NALF1: variants seen among roughly 807,000 people sequenced by gnomAD.
The protein encoded by NALF1 is family with sequence similarity 155 member A.
NALF1 carries 3 observed loss-of-function variants against 48.4 expected under a neutral mutation model. The ratio of observed to expected loss-of-function variants is 0.06; its 90% CI spans 0.03 to 0.16. NALF1 has a LOEUF of 0.16. Ranked by LOEUF, NALF1 falls within the 10% of genes least tolerant of loss-of-function variation. NALF1 has a pLI of 1.00. For missense variants in NALF1, 526 were observed against 571.5 expected, an observed-to-expected ratio of 0.92 and a Z score of 0.81; for synonymous variants, 262 against 245.7, an observed-to-expected ratio of 1.07 and a Z score of -0.62.
In NALF1 at chr13:107,472,624, G is replaced by A. The variant is rs555476173; in HGVS notation, c.916-261869C>T. 2.1e-4 allele frequency among the ~76,000 whole-genome samples: 32 copies of A among 152,198 alleles called. No homozygotes were observed. The South Asian group carries it at 2.3e-3, about 11-fold the overall frequency. ...GTGTTCTGGCCTCCATCTTTCTCCCGTGCTGGATGCTTCCTGCCCTTGAAC... is the reference window on the plus strand; with the variant it reads ...GTGTTCTGGCCTCCATCTTTCTCCCATGCTGGATGCTTCCTGCCCTTGAAC... On this transcript the variant is annotated intron_variant, in intron 1 of 2. Coordinates refer to ENST00000375915, the MANE Select transcript of NALF1 (RefSeq NM_001080396.3).
chr13:107,717,369 C>T (rs914021208), intron 1 of NALF1, among the ~76,000 whole-genome samples: 1 of 152,202 alleles, frequency 6.6e-6, no homozygotes, highest in Non-Finnish European at 1.5e-5. Flanking sequence ...AGTCCCAGCA[C>T]ATACCCACAG....
chr13:107,789,095 C>A (rs12428509), intron 1 of NALF1: 17,433 of 152,106 alleles, frequency 0.11, 1,503 homozygotes, highest in Admixed American at 0.25. Flanking sequence ...TGGAGTGGAT[C>A]ACAGGCTTAT....
intron 1 of NALF1, among the ~76,000 whole-genome samples, chr13:107,761,576 T>C (rs576562656): frequency 6.6e-6 from 1 of 152,304 alleles, no homozygotes; most frequent in South Asian, 2.1e-4. Flanking sequence ...CCTGTCAGAT[T>C]AGGTGCTAAT....
chr13:107,168,659 A>C lies in NALF1; in HGVS notation c.*1838T>G, dbSNP rs1878719530. 6.6e-6 allele frequency: 1 copy of C among 152,642 alleles called. No homozygotes were observed. Among genetic ancestry groups the C allele is most frequent in the African/African-American group, 2.4e-5 (1 of 41,462 alleles). 9.5% of individuals were successfully genotyped at this position (152,642 alleles called of 1,614,324 possible). A position where few individuals can be genotyped will look rare whatever the true frequency, so the allele number is the denominator to read the frequency against. On this transcript the variant is annotated 3_prime_UTR_variant, in exon 3 of 3. Coordinates refer to ENST00000375915, the MANE Select transcript of NALF1 (RefSeq NM_001080396.3). ...GCATGTACTGCTAAACAATTCTAGC[A>C]ATTTTATTAAGCAATACCTTTATTA...
chr13:107,194,182 A>T (rs1028045924), intron 2 of NALF1, among the ~76,000 whole-genome samples: 1 of 152,160 alleles, frequency 6.6e-6, no homozygotes, highest in Non-Finnish European at 1.5e-5. Flanking sequence ...TGCCACTTGC[A>T]AGAGTCCTGA....
intron 1 of NALF1, among the ~76,000 whole-genome samples, chr13:107,233,628 G>GT (rs1182263042): frequency 2.6e-5 from 4 of 152,156 alleles, no homozygotes; most frequent in African/African-American, 9.7e-5. Flanking sequence ...AAAAATATAT[G>GT]TAAGTGATTT....
At chr13:107,323,656 A>C (rs1431739571) in intron 1 of NALF1, among the ~76,000 whole-genome samples, 1 of 152,188 alleles carries the variant, frequency 6.6e-6, no homozygotes, top group Non-Finnish European at 1.5e-5. Flanking sequence ...AGCCCAGAGC[A>C]GACTCTAGTA....
chr13:107,609,339 C>G (rs546977068), intron 1 of NALF1, among the ~76,000 whole-genome samples: 1 of 152,296 alleles, frequency 6.6e-6, no homozygotes, highest in South Asian at 2.1e-4. Flanking sequence ...CCAGCTACCA[C>G]CCTAGCTTCA....
intron 1 of NALF1, among the ~76,000 whole-genome samples, chr13:107,434,095 T>A (rs1379187031): frequency 2.0e-5 from 3 of 152,208 alleles, no homozygotes; most frequent in African/African-American, 2.4e-5. Context: ...ATGAAGTAAA[T>A]TGACTAAGGG....
At chr13:107,320,133 A>G (rs1882225693) in intron 1 of NALF1, among the ~76,000 whole-genome samples, 1 of 152,100 alleles carries the variant, frequency 6.6e-6, no homozygotes. Context: ...TGCTAATTGT[A>G]TGACATATAT....
chr13:107,835,953 A>C (rs973625081), intron 1 of NALF1, among the ~76,000 whole-genome samples: 2 of 152,138 alleles, frequency 1.3e-5, no homozygotes. Context: ...GCAGAAGCAG[A>C]AGCAGCACAG....
intron 2 of NALF1, among the ~76,000 whole-genome samples, chr13:107,175,699 AG>A (rs1474607679): frequency 1.7e-4 from 26 of 152,320 alleles, no homozygotes; most frequent in African/African-American, 5.5e-4. Context: ...TGCCTTATAT[AG>A]AGTCAGTAGG....
chr13:107,287,552 A>C (rs1881520330), intron 1 of NALF1, among the ~76,000 whole-genome samples: 1 of 152,206 alleles, frequency 6.6e-6, no homozygotes, highest in Non-Finnish European at 1.5e-5. Flanking sequence ...GCATTTCTGA[A>C]GACAGGTTTA....
chr13:107,648,522 T>G (rs2138465484), intron 1 of NALF1, among the ~76,000 whole-genome samples: 1 of 152,312 alleles, frequency 6.6e-6, no homozygotes, highest in East Asian at 1.9e-4. Flanking sequence ...AACTCATTTC[T>G]TTTGAGCCCT....
intron 1 of NALF1, among the ~76,000 whole-genome samples, chr13:107,313,836 C>T (rs1007046493): frequency 6.6e-6 from 1 of 152,082 alleles, no homozygotes; most frequent in African/African-American, 2.4e-5. Context: ...TCAAGCTGTC[C>T]GCCTTTCCAG....
At chr13:107,661,959 C>A (rs1194900940) in intron 1 of NALF1, among the ~76,000 whole-genome samples, 3 of 151,994 alleles carry the variant, frequency 2.0e-5, no homozygotes, top group Non-Finnish European at 2.9e-5. Flanking sequence ...TGGCTAAAAT[C>A]TTTTAAAAAA....
At position 107,867,285 on chromosome 13, in the gene NALF1, C is replaced by A. The variant is rs1880769429; in HGVS notation, c.-689G>T. Among the ~76,000 whole-genome samples, 1 of 100,538 alleles carries A rather than the reference C, an allele frequency of 9.9e-6. No individual in the cohort carries two copies. Among genetic ancestry groups the A allele is most frequent in the South Asian group, 4.1e-4 (1 of 2,466 alleles). The allele number at this position is 100,538 out of a possible 152,430, so 66.0% of individuals were successfully genotyped here. ...GGGGCGCTCCCTCCCCCCCACCCCCCACCCCGCGCTCTAAGTGCTGCCGCC... is the reference window on the plus strand; with the variant it reads ...GGGGCGCTCCCTCCCCCCCACCCCCAACCCCGCGCTCTAAGTGCTGCCGCC... On this transcript the variant is annotated 5_prime_UTR_variant, in exon 1 of 3. Coordinates refer to ENST00000375915, the MANE Select transcript of NALF1 (RefSeq NM_001080396.3). This position sits in a 1 kb window ranked among gnomAD's most constrained non-coding sequence, Gnocchi z 4.4.
intron 1 of NALF1, among the ~76,000 whole-genome samples, chr13:107,508,590 AT>A (rs1347517031): frequency 3.3e-5 from 5 of 152,132 alleles, no homozygotes; most frequent in Non-Finnish European, 7.4e-5. Flanking sequence ...ACTTTCACAC[AT>A]TGACAATAAA....
rs183165382 is a variant in NALF1 at position 107,402,722 on chromosome 13, A to T, written c.916-191967T>A. Among the ~76,000 whole-genome samples the T allele has an allele frequency of 2.2e-3, 331 of 152,236 alleles. 2 individuals carry two copies. The highest frequency in any genetic ancestry group is 7.1e-3 in the African/African-American group (294 of 41,550). On this transcript the variant is annotated intron_variant, in intron 1 of 2. Coordinates refer to ENST00000375915, the MANE Select transcript of NALF1 (RefSeq NM_001080396.3). ...GAAGAAAAATCCATATTCCTGTGCA[A>T]AGAATTTAACCTCTCTTGGCCTCAG... is the stretch of plus-strand genomic sequence containing the variant.
Sources: allele counts gnomAD v4.1 joint callset (sites outside exome capture counted in the v4.1 genomes callset), GRCh38; gene constraint gnomAD v4.1.1; non-coding constraint Gnocchi (gnomAD v3.1); transcripts MANE v1.5; gene names NCBI Gene and HGNC (gene_info 2026-07-23, HGNC 2026-07-21).